Variants in CPT1A observed in about 807,000 individuals in gnomAD.
CPT1A encodes the protein carnitine palmitoyltransferase 1A, also known as carnitine O-palmitoyltransferase 1, liver isoform.
Under a neutral mutation model 100.8 loss-of-function variants are expected in CPT1A, and 64 were observed. The ratio of observed to expected loss-of-function variants is 0.63; its 90% confidence interval spans 0.52 to 0.78. CPT1A has a LOEUF of 0.78. Ranked by LOEUF, CPT1A falls within the 30% of genes least tolerant of loss-of-function variation. The pLI, the probability that CPT1A is intolerant of heterozygous loss-of-function variation, is 0.00. For synonymous variants in CPT1A, 363 were observed against 396.0 expected, an observed-to-expected ratio of 0.92 and a Z score of 0.99; for missense variants, 802 against 1,034.1, an observed-to-expected ratio of 0.78 and a Z score of 3.08.
chr11:68,793,288 A>AG, intron 9 of CPT1A, 27 bp downstream of exon 9: 1 of 1,552,772 alleles, frequency 6.4e-7, no homozygotes, highest in Non-Finnish European at 8.9e-7. Flanking sequence ...CCGATTCTCC[A>AG]GGGGGCCCTG....
intron 1 of CPT1A, among the ~76,000 whole-genome samples, chr11:68,833,704 A>G (rs979055008): frequency 1.3e-5 from 2 of 152,176 alleles, no homozygotes; most frequent in African/African-American, 4.8e-5. Context: ...ACCGCACTCC[A>G]GCCTGGGCAA....
intron 1 of CPT1A, among the ~76,000 whole-genome samples, chr11:68,828,521 C>T (rs1331380517): frequency 6.6e-5 from 10 of 152,226 alleles, no homozygotes; most frequent in African/African-American, 1.4e-4. Flanking sequence ...CTCCCCTTCC[C>T]GGAAGCCTTC....
chr11:68,781,081 A>AG (rs1245403394), intron 11 of CPT1A, among the ~76,000 whole-genome samples: 1 of 152,196 alleles, frequency 6.6e-6, no homozygotes, highest in Non-Finnish European at 1.5e-5. Context: ...TCCACCCTGC[A>AG]GGGGGCGGGG....
At chr11:68,770,019 C>A (rs1346776538) in intron 14 of CPT1A, among the ~76,000 whole-genome samples, 1 of 150,498 alleles carries the variant, frequency 6.6e-6, no homozygotes, top group Non-Finnish European at 1.5e-5. Context: ...GAGATCGTGC[C>A]ACTGCACTCC....
At chr11:68,807,380 TCGCAGGGGTGTCCTTC>T (rs1472921398) in intron 4 of CPT1A, 71 bp downstream of exon 4, 57 of 1,347,246 alleles carry the variant, frequency 4.2e-5, no homozygotes, top group Middle Eastern at 1.8e-4. Context: ...GGAGAAAAGG[TCGCAGGGGTGTCCTTC>T]CGCAGGGGTG....
chr11:68,837,258 C>T (rs1857031893), intron 1 of CPT1A, among the ~76,000 whole-genome samples: 1 of 152,136 alleles, frequency 6.6e-6, no homozygotes, highest in Admixed American at 6.5e-5. Context: ...CTGTGTTGGC[C>T]AGGCTGGTCT....
intron 13 of CPT1A, 47 bp from the exon 14 acceptor site, chr11:68,773,476 T>C: frequency 6.2e-7 from 1 of 1,613,302 alleles, no homozygotes; most frequent in South Asian, 1.1e-5. Flanking sequence ...GGGAGAAAAG[T>C]ACTGACGCAC....
At chr11:68,768,620 G>T (rs1463192612) in intron 14 of CPT1A, among the ~76,000 whole-genome samples, 1 of 151,238 alleles carries the variant, frequency 6.6e-6, no homozygotes, top group Non-Finnish European at 1.5e-5. Context: ...TGTCCAGGCT[G>T]GTCTCGAACT....
At chr11:68,803,854 A>AC in intron 5 of CPT1A, 146 bp downstream of exon 5, 1 of 654,104 alleles carries the variant, frequency 1.5e-6, no homozygotes, top group East Asian at 2.7e-5. Flanking sequence ...GAAAAAAAAA[A>AC]AAAAGAGTTC....
intron 2 of CPT1A, 94 bp from the exon 3 acceptor site, chr11:68,812,670 G>T: frequency 6.8e-7 from 1 of 1,477,302 alleles, no homozygotes; most frequent in Non-Finnish European, 9.4e-7. Context: ...TGCTGGGACA[G>T]CAGGCAGTGA....
At chr11:68,828,177 G>T (rs561869401) in intron 1 of CPT1A, among the ~76,000 whole-genome samples, 4 of 152,262 alleles carry the variant, frequency 2.6e-5, no homozygotes, top group African/African-American at 9.6e-5. Context: ...CTTTGCCCTT[G>T]CTGAAGTCCC....
chr11:68,766,233 G>A (rs918951624), intron 14 of CPT1A, among the ~76,000 whole-genome samples: 8 of 151,854 alleles, frequency 5.3e-5, no homozygotes, highest in African/African-American at 1.7e-4. Context: ...GTTATATTGT[G>A]TATAACCTTG....
intron 1 of CPT1A, among the ~76,000 whole-genome samples, chr11:68,835,984 C>T (rs1856999650): frequency 2.6e-5 from 4 of 152,168 alleles, no homozygotes; most frequent in African/African-American, 9.7e-5. Flanking sequence ...CAACTGTAGC[C>T]CTGTGGTGCC....
At chr11:68,761,723 T>A in intron 15 of CPT1A, 36 bp from the exon 16 acceptor site, 1 of 1,613,114 alleles carries the variant, frequency 6.2e-7, no homozygotes. Context: ...ATATGTTGCA[T>A]GTCTCAAGTT....
chr11:68,807,402 G>A, intron 4 of CPT1A, 65 bp downstream of exon 4: 4 of 1,510,944 alleles, frequency 2.6e-6, no homozygotes, highest in Non-Finnish European at 3.6e-6. Context: ...CCTTCCGCAG[G>A]GGTGTCCTTC....
At chr11:68,771,682 C>T (rs997476335) in intron 14 of CPT1A, among the ~76,000 whole-genome samples, 1 of 152,202 alleles carries the variant, frequency 6.6e-6, no homozygotes, top group African/African-American at 2.4e-5. Flanking sequence ...ATTTTAAATA[C>T]GATTTTGGCC....
Position 68,812,378 on chromosome 11 carries a change from A to T in CPT1A, c.281+59T>A, listed in dbSNP as rs1856238140. Reference sequence around the variant, plus strand: ...CAATCATCACATTTGAAGAGACATAAAAACAGCAATAAAATCGGTAACTTC... The same window carrying T: ...CAATCATCACATTTGAAGAGACATATAAACAGCAATAAAATCGGTAACTTC... On this transcript the variant is annotated intron_variant, in intron 3 of 18. Coordinates refer to ENST00000265641, the MANE Select transcript of CPT1A (RefSeq NM_001876.4). The T allele has an allele frequency of 7.5e-6, 12 of 1,601,792 alleles. 1 individual carries two copies. In the South Asian group the frequency reaches 1.3e-4, roughly 18 times the overall value.
intron 12 of CPT1A, among the ~76,000 whole-genome samples, chr11:68,778,093 T>C (rs1378741849): frequency 6.6e-6 from 1 of 152,092 alleles, no homozygotes; most frequent in Non-Finnish European, 1.5e-5. Context: ...TGTTTTTTTT[T>C]TTCCTTTTTA....
chr11:68,834,853 C>T (rs1291304480), intron 1 of CPT1A, among the ~76,000 whole-genome samples: 1 of 151,484 alleles, frequency 6.6e-6, no homozygotes, highest in Admixed American at 6.6e-5. Context: ...ACAAAAACTA[C>T]CTGGGCATGG....
Sources: gnomAD v4.1 joint callset for allele counts (sites outside exome capture counted in the v4.1 genomes callset) on GRCh38, gnomAD v4.1.1 for gene constraint, MANE v1.5 for transcripts, NCBI Gene and HGNC (gene_info 2026-07-23, HGNC 2026-07-21) for gene names.